Variants in PIK3C2G observed in about 807,000 individuals in gnomAD.
The protein encoded by PIK3C2G is phosphatidylinositol 3-kinase C2 domain-containing subunit gamma.
In PIK3C2G, 168 loss-of-function variants were observed where a neutral mutation model predicts 181.1. The ratio of observed to expected loss-of-function variants is 0.93; its 90% CI spans 0.82 to 1.05. The LOEUF is 1.05. PIK3C2G is among the 50% of genes least tolerant of loss of function. The pLI, the probability that PIK3C2G is intolerant of heterozygous loss-of-function variation, is 0.00. For synonymous variants in PIK3C2G, 573 were observed against 592.2 expected (o/e 0.97, Z 0.47); for missense variants, 1,869 against 1,732.8 (o/e 1.08, Z -1.40).
At chr12:18,712,668 T>G in the PIK3C2G span, among the ~76,000 whole-genome samples, 1 of 152,176 alleles carries the variant, frequency 6.6e-6, no homozygotes, top group East Asian at 1.9e-4. Flanking sequence ...AAACTAACTT[T>G]GATAAATCTA....
At chr12:18,369,403 A>G (rs1383401763) in intron 12 of PIK3C2G, among the ~76,000 whole-genome samples, 1 of 152,194 alleles carries the variant, frequency 6.6e-6, no homozygotes, top group African/African-American at 2.4e-5. Context: ...TCTCTGAGGC[A>G]TTATCATATA....
rs776762080 is a variant in PIK3C2G at position 18,325,091 on chromosome 12, A to T, written c.1265A>T (p.Lys422Ile). Residue 422 changes from lysine (K) to isoleucine (I), a missense_variant, in exon 8 of 33, where the codon AAA (lysine) becomes ATA (isoleucine). Transcript: ENST00000538779. Reference protein sequence around the residue: ...KYDFHLKYLLKTQENVYNIIE... With the variant: ...KYDFHLKYLLITQENVYNIIE... ...GACTTCCACCTGAAATACCTATTGA[A>T]AACCCAGGTATTGACTTTTGTTACT... The T allele has an allele frequency of 6.5e-7, 1 of 1,538,842 alleles. No individual in the cohort carries two copies. Among genetic ancestry groups the T allele is most frequent in the African/African-American group, 1.4e-5 (1 of 73,346 alleles).
chr12:18,716,872 C>T, the PIK3C2G span, among the ~76,000 whole-genome samples: 1 of 152,154 alleles, frequency 6.6e-6, no homozygotes, highest in Admixed American at 6.5e-5. Context: ...TCTTTTGGTA[C>T]ATTAAGATAT....
chr12:18,361,070 G>A (rs950154663), intron 11 of PIK3C2G, among the ~76,000 whole-genome samples: 2 of 151,750 alleles, frequency 1.3e-5, no homozygotes, highest in African/African-American at 4.8e-5. Context: ...TCAGTTCATT[G>A]TGGGGTTTTT....
At chr12:18,543,608 G>A (rs11044175) in intron 25 of PIK3C2G, among the ~76,000 whole-genome samples, 24,462 of 151,896 alleles carry the variant, frequency 0.16, 2,166 homozygotes, top group South Asian at 0.25. Context: ...TTCTGCATAT[G>A]GCTAGCCAGT....
intron 29 of PIK3C2G, among the ~76,000 whole-genome samples, chr12:18,579,840 G>C (rs912331662): frequency 1.2e-4 from 19 of 152,124 alleles, no homozygotes; most frequent in African/African-American, 3.4e-4. Context: ...TCTTTATAAA[G>C]AATAATAGAA....
chr12:18,377,897 C>A (rs1192503927), intron 13 of PIK3C2G, among the ~76,000 whole-genome samples: 1 of 152,092 alleles, frequency 6.6e-6, no homozygotes, highest in Non-Finnish European at 1.5e-5. Context: ...ACTCTCGTTG[C>A]CCAGGCTGGA....
In PIK3C2G at chr12:18,602,358, C is replaced by A. The variant is rs373329229; in HGVS notation, c.4088-7177C>A. ...GACCCGGGACCTCACGCCCACCCCC[C>A]ACAGCAGTCGCAGCAAGACCAGCCC... On this transcript the variant is annotated intron_variant, in intron 30 of 32. Coordinates refer to ENST00000538779, the MANE Select transcript of PIK3C2G (RefSeq NM_001288772.2). Among the ~76,000 whole-genome samples, 209 of 151,930 alleles carry A rather than the reference C, an allele frequency of 1.4e-3. 5 individuals are homozygous for A. In the South Asian group the frequency reaches 0.041, roughly 30 times the overall value.
intron 14 of PIK3C2G, among the ~76,000 whole-genome samples, chr12:18,387,275 G>C (rs1372946602): frequency 6.6e-6 from 1 of 152,114 alleles, no homozygotes; most frequent in Admixed American, 6.6e-5. Flanking sequence ...ACAGTCACAA[G>C]GGTGATTCTT....
At chr12:18,694,043 A>G in the PIK3C2G span, 7 of 1,395,790 alleles carry the variant, frequency 5.0e-6, no homozygotes, top group East Asian at 2.3e-5. Flanking sequence ...CAAAAAATCT[A>G]AAGAAAATGT....
At chr12:18,340,655 C>G (rs1939049956) in intron 9 of PIK3C2G, among the ~76,000 whole-genome samples, 1 of 152,174 alleles carries the variant, frequency 6.6e-6, no homozygotes, top group Non-Finnish European at 1.5e-5. Context: ...ATACTAAGAT[C>G]TACCAGTTTC....
the PIK3C2G span, among the ~76,000 whole-genome samples, chr12:18,707,232 T>C: frequency 3.3e-5 from 5 of 152,210 alleles, no homozygotes; most frequent in Non-Finnish European, 7.3e-5. Context: ...TAAAACTTAA[T>C]ATTTTTGGAA....
At chr12:18,676,795 A>C in the PIK3C2G span, among the ~76,000 whole-genome samples, 5 of 152,284 alleles carry the variant, frequency 3.3e-5, no homozygotes, top group Non-Finnish European at 7.4e-5. Flanking sequence ...CTAGAAGGTC[A>C]GAAGGGAAAG....
chr12:18,337,387 T>C (rs1938632864), intron 8 of PIK3C2G, among the ~76,000 whole-genome samples: 1 of 152,230 alleles, frequency 6.6e-6, no homozygotes, highest in African/African-American at 2.4e-5. Flanking sequence ...CAGCCTGCGT[T>C]GTTGATTTTA....
At chr12:18,458,635 T>TTA (rs998281658) in intron 18 of PIK3C2G, among the ~76,000 whole-genome samples, 52 of 152,046 alleles carry the variant, frequency 3.4e-4, no homozygotes, top group African/African-American at 1.2e-3. Context: ...AAAGGACAGA[T>TTA]TATACAGAGT....
intron 30 of PIK3C2G, among the ~76,000 whole-genome samples, chr12:18,606,452 C>T (rs1214549450): frequency 6.6e-6 from 1 of 152,062 alleles, no homozygotes; most frequent in Non-Finnish European, 1.5e-5. Context: ...CATAGTATCT[C>T]TGTGTTAGTC....
chr12:18,650,347 A>ATATATG (rs1349566559), downstream of PIK3C2G, among the ~76,000 whole-genome samples: 42 of 114,526 alleles, frequency 3.7e-4, no homozygotes, highest in Non-Finnish European at 4.8e-4. Flanking sequence ...ATATATATAT[A>ATATATG]TGTGTGTGTG....
the PIK3C2G span, among the ~76,000 whole-genome samples, chr12:18,705,822 C>T: frequency 1.3e-5 from 2 of 151,908 alleles, no homozygotes; most frequent in African/African-American, 2.4e-5. Flanking sequence ...GCCGAGGTTG[C>T]GCCATTGCAT....
chr12:18,403,644 T>A (rs1362511695), intron 16 of PIK3C2G, among the ~76,000 whole-genome samples: 4 of 152,192 alleles, frequency 2.6e-5, no homozygotes, highest in African/African-American at 7.2e-5. Context: ...TTACTTAATC[T>A]GTCCAAAGGT....
Sources: allele counts gnomAD v4.1 joint callset (sites outside exome capture counted in the v4.1 genomes callset), GRCh38; gene constraint gnomAD v4.1.1; transcripts MANE v1.5; gene names NCBI Gene and HGNC (gene_info 2026-07-23, HGNC 2026-07-21).